The following DSCAM variants were observed in gnomAD, a reference collection of about 807,000 sequenced individuals.
DSCAM encodes the protein cell adhesion molecule DSCAM.
A neutral mutation model predicts 217.7 loss-of-function variants in DSCAM; 47 were observed. The observed-to-expected ratio is 0.22, with a 90% CI of 0.17 to 0.28. The LOEUF is 0.28. Among genes scored for constraint, DSCAM ranks in the 10% least tolerant of loss-of-function variants. DSCAM has a pLI of 1.00. For synonymous variants in DSCAM, 1,056 were observed against 1,015.3 expected (o/e 1.04, Z -0.76); for missense variants, 2,080 against 2,618.3 (o/e 0.79, Z 4.49).
intron 11 of DSCAM, among the ~76,000 whole-genome samples, chr21:40,255,955 A>G (rs934951204): frequency 1.3e-5 from 2 of 152,218 alleles, no homozygotes; most frequent in African/African-American, 4.8e-5. Flanking sequence ...TGATATGTGA[A>G]GCAGAGAAAC....
chr21:40,764,939 G>A (rs937778684), intron 1 of DSCAM, among the ~76,000 whole-genome samples: 4 of 151,976 alleles, frequency 2.6e-5, no homozygotes, highest in South Asian at 4.2e-4. Flanking sequence ...ATCACACACC[G>A]GGGCCTGTCA....
intron 1 of DSCAM, among the ~76,000 whole-genome samples, chr21:40,781,024 C>A (rs1282364914): frequency 7.1e-6 from 1 of 141,626 alleles, no homozygotes; most frequent in Non-Finnish European, 1.5e-5. Flanking sequence ...TTTTTTTTTT[C>A]TTGAGACGGA....
At chr21:40,637,671 TTTTTTC>T (rs1321944831) in intron 3 of DSCAM, among the ~76,000 whole-genome samples, 1 of 107,980 alleles carries the variant, frequency 9.3e-6, no homozygotes, top group Non-Finnish European at 1.8e-5. Flanking sequence ...ATATATAAAT[TTTTTTC>T]TTTTTCTGTT....
At chr21:40,301,754 G>A (rs1378016701) in intron 9 of DSCAM, among the ~76,000 whole-genome samples, 3 of 152,190 alleles carry the variant, frequency 2.0e-5, no homozygotes, top group East Asian at 1.9e-4. Flanking sequence ...GCAACTATGC[G>A]TTGAAAGGAC....
At chr21:40,474,610 T>C (rs1313680334) in intron 3 of DSCAM, among the ~76,000 whole-genome samples, 2 of 152,256 alleles carry the variant, frequency 1.3e-5, no homozygotes, top group East Asian at 3.9e-4. Context: ...AGAGCAGAGT[T>C]TGAAAAATGC....
intron 4 of DSCAM, among the ~76,000 whole-genome samples, chr21:40,359,034 C>T (rs752174136): frequency 3.9e-5 from 6 of 152,048 alleles, no homozygotes; most frequent in Non-Finnish European, 8.8e-5. Flanking sequence ...AAAAGATGCT[C>T]AATATTACTA....
At chr21:40,112,746 C>A (rs1334575182) in intron 20 of DSCAM, among the ~76,000 whole-genome samples, 3 of 152,122 alleles carry the variant, frequency 2.0e-5, no homozygotes, top group Non-Finnish European at 4.4e-5. Flanking sequence ...CACCACCAAT[C>A]CCACAGAAAT....
chr21:40,775,692 C>G (rs1449831864), intron 1 of DSCAM, among the ~76,000 whole-genome samples: 1 of 152,174 alleles, frequency 6.6e-6, no homozygotes, highest in African/African-American at 2.4e-5. Flanking sequence ...CTCCCAGGAT[C>G]CTGAGGTTTT....
intron 3 of DSCAM, among the ~76,000 whole-genome samples, chr21:40,378,442 A>G (rs1159320998): frequency 1.3e-5 from 2 of 152,050 alleles, no homozygotes; most frequent in Non-Finnish European, 2.9e-5. Flanking sequence ...AGACTTGCAT[A>G]CTTTTCAATC....
chr21:40,196,963 A>G (rs2091016988), intron 11 of DSCAM, among the ~76,000 whole-genome samples: 1 of 152,224 alleles, frequency 6.6e-6, no homozygotes, highest in Non-Finnish European at 1.5e-5. Flanking sequence ...TTGGATTTGC[A>G]TCTATATTAA....
chr21:40,377,816 G>T (rs1239665526), intron 3 of DSCAM, among the ~76,000 whole-genome samples: 1 of 152,042 alleles, frequency 6.6e-6, no homozygotes, highest in Non-Finnish European at 1.5e-5. Flanking sequence ...GGGAGGAGAG[G>T]ACTTCTAAAG....
At chr21:40,104,221 C>A (rs1568941870) in intron 20 of DSCAM, among the ~76,000 whole-genome samples, 1 of 152,034 alleles carries the variant, frequency 6.6e-6, no homozygotes, top group Non-Finnish European at 1.5e-5. Context: ...ATTGCTGTCA[C>A]CTATTCAACA....
chr21:40,651,587 A>G (rs1262640876), intron 3 of DSCAM, among the ~76,000 whole-genome samples: 1 of 152,064 alleles, frequency 6.6e-6, no homozygotes, highest in Admixed American at 6.6e-5. Flanking sequence ...TCCCAACCTA[A>G]AGAGTGCTGT....
intron 9 of DSCAM, among the ~76,000 whole-genome samples, chr21:40,304,906 G>A (rs73906988): frequency 0.032 from 4,925 of 152,106 alleles, 243 homozygotes; most frequent in East Asian, 0.25. Flanking sequence ...AGAGATTACT[G>A]ATTACCAATC....
intron 3 of DSCAM, among the ~76,000 whole-genome samples, chr21:40,550,005 C>T (rs933807912): frequency 2.6e-5 from 4 of 152,164 alleles, no homozygotes; most frequent in African/African-American, 7.2e-5. Flanking sequence ...TCAAGCCCTA[C>T]GCTTGGTATT....
intron 21 of DSCAM, among the ~76,000 whole-genome samples, chr21:40,092,677 TG>T (rs1450032713): frequency 6.6e-6 from 1 of 152,232 alleles, no homozygotes; most frequent in Non-Finnish European, 1.5e-5. Flanking sequence ...TTGTTTTTGT[TG>T]TTTTTTTGGT....
chr21:40,148,399 T>C (rs563190961), intron 16 of DSCAM, among the ~76,000 whole-genome samples: 1 of 152,278 alleles, frequency 6.6e-6, no homozygotes, highest in South Asian at 2.1e-4. Context: ...GCAAGCTTTC[T>C]CTGTGGGGTG....
intron 19 of DSCAM, among the ~76,000 whole-genome samples, chr21:40,130,194 G>C (rs943056185): frequency 6.6e-6 from 1 of 152,200 alleles, no homozygotes; most frequent in African/African-American, 2.4e-5. Flanking sequence ...TTAATAGATT[G>C]CATTTTGTTT....
At chr21:40,322,047 A>C (rs138399088) in intron 8 of DSCAM, among the ~76,000 whole-genome samples, 1 of 152,272 alleles carries the variant, frequency 6.6e-6, no homozygotes, top group Non-Finnish European at 1.5e-5. Context: ...GCCCAGAATT[A>C]GATAAATGTC....
Sources: gnomAD v4.1 joint callset for allele counts (sites outside exome capture counted in the v4.1 genomes callset) on GRCh38, gnomAD v4.1.1 for gene constraint, MANE v1.5 for transcripts, NCBI Gene and HGNC (gene_info 2026-07-23, HGNC 2026-07-21) for gene names.